The following PREX2 variants were observed in gnomAD, a reference collection of about 807,000 sequenced individuals.
PREX2 encodes phosphatidylinositol 3,4,5-trisphosphate-dependent Rac exchanger 2 protein.
PREX2 carries 107 observed loss-of-function variants against 203.2 expected under a neutral mutation model. That is an observed-to-expected ratio of 0.53 (90% CI 0.45 to 0.62). The LOEUF (loss-of-function observed/expected upper bound fraction) is 0.62, where lower values mean the gene tolerates loss of function less well. Ranked by LOEUF, PREX2 falls within the 20% of genes least tolerant of loss-of-function variation. PREX2 has a pLI of 0.00. For synonymous variants in PREX2, 672 were observed against 663.6 expected (o/e 1.01, Z -0.19); for missense variants, 1,777 against 1,955.9 (o/e 0.91, Z 1.72).
At chr8:68,137,264 A>G (rs551486416) in intron 32 of PREX2, among the ~76,000 whole-genome samples, 25 of 151,708 alleles carry the variant, frequency 1.6e-4, no homozygotes, top group African/African-American at 6.0e-4. Flanking sequence ...TAAAAGGATC[A>G]TTGACATTTT....
intron 3 of PREX2, 76 bp downstream of exon 3, chr8:68,019,747 G>A: frequency 1.4e-6 from 2 of 1,380,586 alleles, no homozygotes; most frequent in African/African-American, 1.4e-5. Flanking sequence ...ATAGTGGTAT[G>A]TGTGAATTCA....
chr8:68,093,405 AAAAAAAG>A lies in PREX2; in HGVS notation c.2251-196_2251-190del, dbSNP rs1397105329. ...AACTCCATCTCAAAAAAAAAAAAAAAAAAAAAGAAAGAAAGAGTGTTTGTTAAACAAT... is the reference window on the plus strand; with the variant it reads ...AACTCCATCTCAAAAAAAAAAAAAAAAAAGAAAGAGTGTTTGTTAAACAAT... On this transcript the variant is annotated intron_variant, in intron 20 of 39. Coordinates refer to ENST00000288368, the MANE Select transcript of PREX2 (RefSeq NM_024870.4). Among the ~76,000 whole-genome samples, 565 of 151,580 alleles carry A rather than the reference AAAAAAAG, an allele frequency of 3.7e-3. 4 individuals are homozygous for A. Among genetic ancestry groups the A allele is most frequent in the African/African-American group, 0.013 (542 of 41,236 alleles).
intron 6 of PREX2, among the ~76,000 whole-genome samples, chr8:68,031,321 A>G (rs949656326): frequency 6.6e-6 from 1 of 152,208 alleles, no homozygotes; most frequent in African/African-American, 2.4e-5. Context: ...CTGTCATTAC[A>G]TTGCCTTAAT....
At chr8:68,204,120 A>T (rs1441181197) in intron 37 of PREX2, among the ~76,000 whole-genome samples, 2 of 152,188 alleles carry the variant, frequency 1.3e-5, no homozygotes, top group African/African-American at 4.8e-5. Context: ...AAGCAGATTC[A>T]AACCTGGTGG....
At chr8:68,211,218 C>T (rs1192469960) in intron 37 of PREX2, among the ~76,000 whole-genome samples, 1 of 152,142 alleles carries the variant, frequency 6.6e-6, no homozygotes, top group Admixed American at 6.5e-5. Context: ...AGCAAATGCC[C>T]AAATTATAGT....
chr8:67,971,737 T>G (rs963061273), intron 1 of PREX2, among the ~76,000 whole-genome samples: 4 of 152,204 alleles, frequency 2.6e-5, no homozygotes, highest in African/African-American at 9.7e-5. Flanking sequence ...GAAATACTGT[T>G]AGTGGAAAAG....
intron 1 of PREX2, among the ~76,000 whole-genome samples, chr8:67,954,418 AC>A (rs1199301113): frequency 6.6e-6 from 1 of 152,216 alleles, no homozygotes; most frequent in African/African-American, 2.4e-5. Flanking sequence ...ATTTATAGCA[AC>A]ATTTACTCCC....
chr8:68,173,337 G>C (rs1398899188), intron 35 of PREX2, among the ~76,000 whole-genome samples: 1 of 152,064 alleles, frequency 6.6e-6, no homozygotes, highest in Non-Finnish European at 1.5e-5. Flanking sequence ...GCATAGCCAA[G>C]GTTCATAAAT....
intron 1 of PREX2, among the ~76,000 whole-genome samples, chr8:68,012,102 TTGTA>T: frequency 6.6e-6 from 1 of 152,312 alleles, no homozygotes; most frequent in Admixed American, 6.5e-5. Context: ...ACTCTGTGCC[TTGTA>T]TGTAACATAC....
chr8:67,998,831 G>A (rs1182101398), intron 1 of PREX2, among the ~76,000 whole-genome samples: 5 of 152,212 alleles, frequency 3.3e-5, no homozygotes, highest in African/African-American at 9.6e-5. Context: ...ATTTCTCTGT[G>A]CTCTGATCTA....
At chr8:68,182,941 A>G (rs1408806990) in intron 35 of PREX2, among the ~76,000 whole-genome samples, 1 of 151,446 alleles carries the variant, frequency 6.6e-6, no homozygotes, top group Admixed American at 6.6e-5. Flanking sequence ...GGTGAGAGGG[A>G]ATTCCAGGCA....
chr8:68,029,274 G>T (rs933808899), intron 5 of PREX2, among the ~76,000 whole-genome samples: 1 of 152,038 alleles, frequency 6.6e-6, no homozygotes, highest in Non-Finnish European at 1.5e-5. Context: ...TTCACATTAT[G>T]TAAATTCATA....
chr8:68,192,281 A>G, intron 36 of PREX2, 54 bp from the exon 37 acceptor site: 1 of 1,421,340 alleles, frequency 7.0e-7, no homozygotes, highest in Non-Finnish European at 9.6e-7. Context: ...CAACCTATCT[A>G]AAAGAATTTT....
chr8:68,230,099 A>G (rs1404313812), intron 39 of PREX2, among the ~76,000 whole-genome samples: 1 of 152,216 alleles, frequency 6.6e-6, no homozygotes, highest in Non-Finnish European at 1.5e-5. Flanking sequence ...TCCAAAGTCA[A>G]TAGCTTCTTC....
intron 35 of PREX2, among the ~76,000 whole-genome samples, chr8:68,175,096 G>T (rs1811952734): frequency 6.6e-6 from 1 of 152,324 alleles, no homozygotes; most frequent in African/African-American, 2.4e-5. Context: ...GGATGCCTGA[G>T]ATGCCCGAGG....
At chr8:68,005,190 G>A (rs539213598) in intron 1 of PREX2, among the ~76,000 whole-genome samples, 1 of 152,256 alleles carries the variant, frequency 6.6e-6, no homozygotes, top group South Asian at 2.1e-4. Flanking sequence ...GGCCCAAAAT[G>A]TAGGCAGCAA....
rs528005946 is a variant in PREX2, at chr8:68,085,418, A to G, written c.2027+2030A>G. ...GTCCTTATTCTAATGTATGAGTTCT[A>G]TAAATCACTGTCATATTTTCTTACA... On this transcript the variant is annotated intron_variant, in intron 18 of 39. Coordinates refer to ENST00000288368, the MANE Select transcript of PREX2 (RefSeq NM_024870.4). 6.6e-5 allele frequency among the ~76,000 whole-genome samples: 10 copies of G among 152,332 alleles called. No homozygotes were observed. The South Asian group carries it at 2.1e-3, about 32-fold the overall frequency.
chr8:67,990,544 G>C (rs1240473624), intron 1 of PREX2, among the ~76,000 whole-genome samples: 1 of 148,836 alleles, frequency 6.7e-6, no homozygotes, highest in Non-Finnish European at 1.5e-5. Flanking sequence ...GATTCTTGCT[G>C]TGTCACTCAG....
At chr8:68,060,558 T>C in intron 10 of PREX2, 121 bp from the exon 11 acceptor site, 1 of 660,138 alleles carries the variant, frequency 1.5e-6, no homozygotes, top group Non-Finnish European at 2.6e-6. Context: ...TTGAAATGTG[T>C]TGCAAATATT....
Sources: gnomAD v4.1 joint callset for allele counts (sites outside exome capture counted in the v4.1 genomes callset) on GRCh38, gnomAD v4.1.1 for gene constraint, MANE v1.5 for transcripts, NCBI Gene and HGNC (gene_info 2026-07-23, HGNC 2026-07-21) for gene names.